The following HEPACAM2 variants were observed in gnomAD, a reference collection of about 807,000 sequenced individuals.
The protein encoded by HEPACAM2 is mitotic kinetics regulator.
In HEPACAM2, 49 loss-of-function variants were observed where a neutral mutation model predicts 49.6. That is an observed-to-expected ratio of 0.99 (90% CI 0.78 to 1.25). The LOEUF (loss-of-function observed/expected upper bound fraction) is 1.25. Among genes scored for constraint, HEPACAM2 ranks in the 50% most tolerant of loss-of-function variants. The pLI is 0.00. For missense variants in HEPACAM2, 525 were observed against 557.2 expected (o/e 0.94, Z 0.58); for synonymous variants, 197 against 202.9 (o/e 0.97, Z 0.25).
At position 93,219,342 on chromosome 7, in the gene HEPACAM2, G is replaced by T; in HGVS notation, c.189C>A (p.Asp63Glu). The change falls in exon 2 of 10, where the codon GAC becomes GAA. Residue 63 changes from aspartate to glutamate, a missense_variant. Asp to Glu is a conservative substitution (Grantham distance 45, BLOSUM62 2). Transcript: ENST00000394468. ...TCTCAAATAGCCATATGATCTGGAT[G>T]TCTGATGCTGGAGTGTGGAAGCCAT... ...VHYGFHTPAS[D>E]IQIIWLFERP... 1.2e-6 allele frequency: 2 copies of T among 1,614,004 alleles called. No individual in the cohort carries two copies. The highest frequency in any genetic ancestry group is 1.3e-5 in the African/African-American group (1 of 75,026).
At chr7:93,191,336 G>A (rs549633239) in intron 9 of HEPACAM2, among the ~76,000 whole-genome samples, 1 of 151,888 alleles carries the variant, frequency 6.6e-6, no homozygotes, top group Non-Finnish European at 1.5e-5. Flanking sequence ...CTTAAATGAC[G>A]CACAGTCCCC....
intron 4 of HEPACAM2, among the ~76,000 whole-genome samples, chr7:93,203,564 C>G (rs754873717): frequency 4.6e-5 from 7 of 152,102 alleles, no homozygotes; most frequent in Non-Finnish European, 7.4e-5. Context: ...CATAGCATGC[C>G]ATTCTCCCCA....
chr7:93,218,452 G>A (rs1346094782), intron 2 of HEPACAM2, among the ~76,000 whole-genome samples: 3 of 152,020 alleles, frequency 2.0e-5, no homozygotes, highest in East Asian at 1.9e-4. Flanking sequence ...GGAGGTCAAC[G>A]GTGACTACAA....
At chr7:93,225,181 A>G (rs1225650049) in intron 1 of HEPACAM2, among the ~76,000 whole-genome samples, 1 of 152,182 alleles carries the variant, frequency 6.6e-6, no homozygotes, top group Non-Finnish European at 1.5e-5. Flanking sequence ...TTTTAAATAT[A>G]AAAATAAGTG....
At chr7:93,192,182 T>C in intron 9 of HEPACAM2, 72 bp downstream of exon 9, 4 of 1,046,264 alleles carry the variant, frequency 3.8e-6, no homozygotes, top group Non-Finnish European at 5.7e-6. Context: ...TGCCTTTTAA[T>C]CAGTTCTGGG....
At chr7:93,212,814 G>A (rs6976526) in intron 3 of HEPACAM2, among the ~76,000 whole-genome samples, 78,857 of 151,890 alleles carry the variant, frequency 0.52, 24,577 homozygotes, top group African/African-American at 0.88. Flanking sequence ...TACATTATTC[G>A]AGTGAATGGG....
At chr7:93,189,393 G>C (rs1584321859) in intron 9 of HEPACAM2, 123 bp from the exon 10 acceptor site, 3 of 558,292 alleles carry the variant, frequency 5.4e-6, no homozygotes, top group Non-Finnish European at 9.2e-6. Context: ...TTTGGAGCTA[G>C]CTCAAGAAAA....
chr7:93,196,885 A>G (rs1228219222), intron 7 of HEPACAM2, among the ~76,000 whole-genome samples: 3 of 152,166 alleles, frequency 2.0e-5, no homozygotes, highest in African/African-American at 7.2e-5. Flanking sequence ...GAACAAAGTG[A>G]TAGAACCCTT....
chr7:93,202,046 A>C (rs1459002927), intron 4 of HEPACAM2, among the ~76,000 whole-genome samples: 21 of 147,736 alleles, frequency 1.4e-4, no homozygotes, highest in African/African-American at 4.7e-4. Flanking sequence ...AAAAAAAAAA[A>C]AAACCACAAA....
rs774870795 is a variant in HEPACAM2, at chr7:93,192,227, C to T, written c.1385+27G>A. ...AGCTAAATGCTTAGCCTCTCCATAGCACCATCAAATGCAGATTCGTACTTA... is the reference window on the plus strand; with the variant it reads ...AGCTAAATGCTTAGCCTCTCCATAGTACCATCAAATGCAGATTCGTACTTA... On this transcript the variant is annotated intron_variant, in intron 9 of 9. Coordinates refer to ENST00000394468, the MANE Select transcript of HEPACAM2 (RefSeq NM_001039372.4). The T allele has an allele frequency of 6.0e-6, 9 of 1,509,496 alleles. No individual in the cohort carries two copies. In the South Asian group the frequency reaches 1.0e-4, roughly 17 times the overall value. The allele number at this position is 1,509,496 out of a possible 1,614,324, so 93.5% of individuals were successfully genotyped here.
At chr7:93,197,162 T>G in intron 7 of HEPACAM2, 79 bp downstream of exon 7, 1 of 895,530 alleles carries the variant, frequency 1.1e-6, no homozygotes, top group South Asian at 3.4e-5. Context: ...TATATTACAT[T>G]AATAATATAT....
the HEPACAM2 span, among the ~76,000 whole-genome samples, chr7:93,231,824 T>C: frequency 1.3e-5 from 2 of 152,184 alleles, no homozygotes; most frequent in African/African-American, 4.8e-5. Context: ...ATACCAAGAC[T>C]GAGGTAGAAC....
At chr7:93,208,063 C>T (rs1471868137) in intron 4 of HEPACAM2, among the ~76,000 whole-genome samples, 2 of 151,900 alleles carry the variant, frequency 1.3e-5, no homozygotes, top group Non-Finnish European at 2.9e-5. Flanking sequence ...CACAGACTTA[C>T]AGAATTTTGT....
upstream of HEPACAM2, among the ~76,000 whole-genome samples, chr7:93,228,887 G>A (rs1042032262): frequency 6.6e-6 from 1 of 151,064 alleles, no homozygotes; most frequent in South Asian, 2.1e-4. Flanking sequence ...GTGTGTGTGT[G>A]TATGTGTGTG....
At chr7:93,201,547 A>G (rs1277018642) in intron 4 of HEPACAM2, among the ~76,000 whole-genome samples, 1 of 152,078 alleles carries the variant, frequency 6.6e-6, no homozygotes, top group African/African-American at 2.4e-5. Context: ...CTATGATACA[A>G]TAATTAGTTT....
At position 93,192,249 on chromosome 7, in the gene HEPACAM2, C is replaced by T. The variant is rs763854879; in HGVS notation, c.1385+5G>A. On this transcript the variant is annotated splice_donor_5th_base_variant and intron_variant, in intron 9 of 9. Transcript: ENST00000394468. The stretch of plus-strand genomic sequence containing the variant: ...TAGCACCATCAAATGCAGATTCGTA[C>T]TTACTCTGGATGGTCTTGCTGCTGG... 14 of 1,602,484 alleles carry T rather than the reference C, an allele frequency of 8.7e-6. No homozygotes were observed. The highest frequency in any genetic ancestry group is 2.2e-5 in the East Asian group (1 of 44,794).
Position 93,219,183 on chromosome 7 carries a change from A to T in HEPACAM2, c.348T>A (p.Asp116Glu), listed in dbSNP as rs774831905. The change falls in exon 2 of 10, where the codon GAT becomes GAA. Residue 116 changes from aspartate to glutamate, a missense_variant. By Grantham distance (45) the Asp-to-Glu change is conservative. Transcript: ENST00000394468. The part of the protein sequence containing the change: ...SLLINPLQFP[D>E]EGNYIVKVNI... ...TGACCTTCACGATGTAATTGCCTTC[A>T]TCAGGGAACTGCAGTGGGTTGATAA... is the stretch of plus-strand genomic sequence containing the variant. 37 of 1,613,840 alleles carry T rather than the reference A, an allele frequency of 2.3e-5. No individual in the cohort carries two copies. Among genetic ancestry groups the T allele is most frequent in the African/African-American group, 4.0e-5 (3 of 74,914 alleles).
intron 4 of HEPACAM2, 55 bp from the exon 5 acceptor site, chr7:93,197,665 G>A: frequency 2.3e-6 from 3 of 1,322,362 alleles, no homozygotes; most frequent in Non-Finnish European, 3.1e-6. Context: ...TATATAACTT[G>A]ACTTTTTAAA....
upstream of HEPACAM2, among the ~76,000 whole-genome samples, chr7:93,229,747 T>C (rs1794592853): frequency 6.6e-6 from 1 of 152,192 alleles, no homozygotes; most frequent in Non-Finnish European, 1.5e-5. Flanking sequence ...CTCAGGTAAA[T>C]GTGAAAGTCC....
Sources: gnomAD v4.1 joint callset for allele counts (sites outside exome capture counted in the v4.1 genomes callset) on GRCh38, gnomAD v4.1.1 for gene constraint, MANE v1.5 for transcripts, NCBI Gene and HGNC (gene_info 2026-07-23, HGNC 2026-07-21) for gene names.